Variants in RDM1 observed in about 807,000 individuals in gnomAD.
The protein encoded by RDM1 is RAD52 motif containing 1.
RDM1 carries 28 observed loss-of-function variants against 27.7 expected under a neutral mutation model. That is an observed-to-expected ratio of 1.01 (90% CI 0.75 to 1.39). RDM1 has a LOEUF of 1.39. RDM1 is among the 40% of genes most tolerant of loss of function. The pLI is 0.00. For synonymous variants in RDM1, 124 were observed against 127.5 expected, an observed-to-expected ratio of 0.97 and a Z score of 0.19; for missense variants, 277 against 337.3, an observed-to-expected ratio of 0.82 and a Z score of 1.40.
intron 3 of RDM1, 50 bp downstream of exon 3, chr17:35,925,465 C>T: frequency 1.3e-6 from 2 of 1,599,452 alleles, no homozygotes; most frequent in Non-Finnish European, 1.7e-6. Flanking sequence ...TCTAGGATTT[C>T]AATGTTGAAA....
At chr17:35,929,530 C>T (rs1289209988) in intron 2 of RDM1, among the ~76,000 whole-genome samples, 1 of 152,216 alleles carries the variant, frequency 6.6e-6, no homozygotes, top group Non-Finnish European at 1.5e-5. Context: ...CAGCCTCCAC[C>T]TCCTGGGTTC....
chr17:35,920,366 G>T (rs1028398291), intron 5 of RDM1, 94 bp from the exon 6 acceptor site: 6 of 528,312 alleles, frequency 1.1e-5, no homozygotes, highest in South Asian at 6.6e-5. Flanking sequence ...ACATTGTTTT[G>T]GTTTCTAAAA....
chr17:35,930,297 A>C lies in RDM1; in HGVS notation c.97-42T>G, dbSNP rs768701786. 4 of 1,613,620 alleles carry C rather than the reference A, an allele frequency of 2.5e-6. No homozygotes were observed. The East Asian group carries it at 8.9e-5, about 36-fold the overall frequency. ...AGTAAATGCATGAAATCTCACGCCC[A>C]GAAAACAAAACCGCACATGCCCTCA... On this transcript the variant is annotated intron_variant, in intron 1 of 6. Coordinates refer to ENST00000620284, the MANE Select transcript of RDM1 (RefSeq NM_145654.4).
intron 4 of RDM1, among the ~76,000 whole-genome samples, chr17:35,923,243 T>A (rs1227084994): frequency 6.8e-6 from 1 of 147,866 alleles, no homozygotes; most frequent in Non-Finnish European, 1.5e-5. Context: ...CCCAGCTACC[T>A]GGGAGTCTGA....
chr17:35,926,318 A>C (rs905342459), intron 2 of RDM1, among the ~76,000 whole-genome samples: 2 of 152,206 alleles, frequency 1.3e-5, no homozygotes, highest in Non-Finnish European at 2.9e-5. Flanking sequence ...CATTTTTTAA[A>C]TGTAGTATAT....
chr17:35,925,597 G>T lies in RDM1; in HGVS notation c.317C>A (p.Ala106Asp), dbSNP rs1342677916. The T allele has an allele frequency of 7.4e-6, 12 of 1,614,034 alleles. No homozygotes were observed. Among genetic ancestry groups the T allele is most frequent in the Non-Finnish European group, 9.3e-6 (11 of 1,179,906 alleles). Residue 106 changes from alanine (A) to aspartate (D), a missense_variant, in exon 3 of 7, where the codon GCC becomes GAC. Ala to Asp is a moderately radical substitution (Grantham distance 126). Coordinates refer to ENST00000620284, the MANE Select transcript of RDM1 (RefSeq NM_145654.4). ...GTRHKAVQHQ[A>D]LALNSSKCQE... ...GCATTTGGAACTGTTCAGGGCAAGG[G>T]CTTGATGTTGAACTGCCTTATGTCT... is the stretch of plus-strand genomic sequence containing the variant.
chr17:35,926,932 TG>T (rs2089172162), intron 2 of RDM1, among the ~76,000 whole-genome samples: 1 of 151,832 alleles, frequency 6.6e-6, no homozygotes, highest in Admixed American at 6.6e-5. Context: ...AAATGCCTGT[TG>T]GGAAAGAAAT....
chr17:35,925,699 A>G, intron 2 of RDM1, 62 bp from the exon 3 acceptor site: 1 of 1,544,498 alleles, frequency 6.5e-7, no homozygotes, highest in South Asian at 1.2e-5. Flanking sequence ...TTTTGGATAG[A>G]TCTGAGATTT....
intron 3 of RDM1, among the ~76,000 whole-genome samples, chr17:35,925,163 AT>A (rs2089096388): frequency 6.6e-6 from 1 of 152,096 alleles, no homozygotes; most frequent in Admixed American, 6.6e-5. Context: ...CAAAAACCCA[AT>A]AAAAAAAAGA....
chr17:35,920,344 C>T (rs2088897021), intron 5 of RDM1, 72 bp from the exon 6 acceptor site: 2 of 661,680 alleles, frequency 3.0e-6, no homozygotes, highest in Admixed American at 5.5e-5. Flanking sequence ...AATGGTAGCA[C>T]CCCATGATGA....
intron 5 of RDM1, among the ~76,000 whole-genome samples, chr17:35,921,385 G>A (rs1330761238): frequency 6.6e-6 from 1 of 152,214 alleles, no homozygotes; most frequent in Non-Finnish European, 1.5e-5. Flanking sequence ...ACTTAATTAG[G>A]ATCTCTCAGT....
intron 5 of RDM1, 85 bp from the exon 6 acceptor site, chr17:35,920,357 CATT>C (rs2088897417): frequency 1.8e-6 from 1 of 570,064 alleles, no homozygotes; most frequent in East Asian, 3.2e-5. Context: ...CATGATGAAA[CATT>C]GTTTTGGTTT....
chr17:35,918,514 G>T, intron 6 of RDM1, 71 bp from the exon 7 acceptor site: 1 of 1,300,918 alleles, frequency 7.7e-7, no homozygotes, highest in Non-Finnish European at 1.1e-6. Context: ...AAATGTTGCC[G>T]TTTTTGCTAA....
chr17:35,921,330 G>T (rs2088936792), intron 5 of RDM1, among the ~76,000 whole-genome samples: 1 of 152,242 alleles, frequency 6.6e-6, no homozygotes, highest in South Asian at 2.1e-4. Context: ...GGAAAGCTGA[G>T]AGCAGTCAGG....
intron 2 of RDM1, 133 bp from the exon 3 acceptor site, chr17:35,925,770 G>C (rs908331600): frequency 1.9e-5 from 19 of 995,326 alleles, no homozygotes; most frequent in Non-Finnish European, 2.7e-5. Context: ...GTTCCTGCTT[G>C]AGAATATGAC....
chr17:35,918,620 G>A (rs1487354721), intron 6 of RDM1, among the ~76,000 whole-genome samples, 177 bp from the exon 7 acceptor site: 2 of 152,164 alleles, frequency 1.3e-5, no homozygotes, highest in African/African-American at 2.4e-5. Context: ...TTCTGTAGGA[G>A]GGGTTTTGGG....
At chr17:35,928,565 C>G (rs563887759) in intron 2 of RDM1, among the ~76,000 whole-genome samples, 5 of 151,504 alleles carry the variant, frequency 3.3e-5, no homozygotes, top group East Asian at 1.9e-4. Flanking sequence ...GAGTTCGAGA[C>G]CAGCCTGACC....
chr17:35,924,207 C>T (rs2089052304), intron 4 of RDM1, among the ~76,000 whole-genome samples: 1 of 151,952 alleles, frequency 6.6e-6, no homozygotes, highest in African/African-American at 2.4e-5. Flanking sequence ...GGCAACAGAG[C>T]AAGATCCTAT....
chr17:35,927,662 G>A (rs965585417), intron 2 of RDM1, among the ~76,000 whole-genome samples: 5 of 151,886 alleles, frequency 3.3e-5, no homozygotes, highest in African/African-American at 9.7e-5. Context: ...TGAAAGCTTT[G>A]AGTTTAGTAA....
Sources: allele counts gnomAD v4.1 joint callset (sites outside exome capture counted in the v4.1 genomes callset), GRCh38; gene constraint gnomAD v4.1.1; transcripts MANE v1.5; gene names NCBI Gene and HGNC (gene_info 2026-07-23, HGNC 2026-07-21).